The following EMG1 variants were observed in gnomAD, a reference collection of about 807,000 sequenced individuals.
EMG1 encodes the protein ribosomal RNA small subunit methyltransferase NEP1.
Under a neutral mutation model 26.9 loss-of-function variants are expected in EMG1, and 24 were observed. That is an observed-to-expected ratio of 0.89 (90% CI 0.65 to 1.26). The LOEUF (loss-of-function observed/expected upper bound fraction) is 1.26. Among genes scored for constraint, EMG1 ranks in the 50% most tolerant of loss-of-function variants. The pLI, the probability that EMG1 is intolerant of heterozygous loss-of-function variation, is 0.00. For missense variants in EMG1, 299 were observed against 307.6 expected (o/e 0.97, Z 0.21); for synonymous variants, 140 against 112.6 (o/e 1.24, Z -1.54).
rs1352015784 is a variant in EMG1 at position 6,978,341 on chromosome 12, C to T, written c.*2532C>T. ...TCCAGGCTCCCCACCAGCAGCTCAC[C>T]GGGCCACCCAGGCGTTGGTGTTGAT... On this transcript the variant is annotated 3_prime_UTR_variant, in exon 6 of 6. Transcript: ENST00000599672. The T allele has an allele frequency of 3.1e-6, 5 of 1,604,568 alleles. No homozygotes were observed. Among genetic ancestry groups the T allele is most frequent in the East Asian group, 2.2e-5 (1 of 44,774 alleles).
Position 6,979,470 on chromosome 12 carries a change from C to A in EMG1, c.*3661C>A. On this transcript the variant is annotated 3_prime_UTR_variant, in exon 6 of 6. Transcript: ENST00000599672. ...CTGCTGCTGCTTTAGTAGACACTCACGTCATAGTCTTCAGTGAGGAGATAG... is the reference window on the plus strand; with the variant it reads ...CTGCTGCTGCTTTAGTAGACACTCAAGTCATAGTCTTCAGTGAGGAGATAG... The A allele has an allele frequency of 6.2e-7, 1 of 1,604,916 alleles. No individual in the cohort carries two copies.
At chr12:6,988,050 T>TAA (rs111464101) in intron 7 of EMG1, 34 of 323,564 alleles carry the variant, frequency 1.1e-4, no homozygotes, top group South Asian at 3.2e-4. Flanking sequence ...TTTAAAGGTG[T>TAA]AAAAAAAAAA....
chr12:6,984,933 T>C (rs1555154610), downstream of EMG1, among the ~76,000 whole-genome samples: 1 of 152,164 alleles, frequency 6.6e-6, no homozygotes, highest in African/African-American at 2.4e-5. Context: ...GTTTTTATCA[T>C]GGGCAATACA....
chr12:6,989,938 T>A (rs1317954374), downstream of EMG1, among the ~76,000 whole-genome samples: 6 of 151,982 alleles, frequency 3.9e-5, no homozygotes, highest in Admixed American at 3.9e-4. Flanking sequence ...TTTGGGAGGC[T>A]GAGACGGGAG....
In EMG1 at chr12:6,974,208, G is replaced by A. The variant is rs1266327000; in HGVS notation, c.169-131G>A. On this transcript the variant is annotated intron_variant, in intron 1 of 5. Coordinates refer to ENST00000599672, the MANE Select transcript of EMG1 (RefSeq NM_006331.8). ...GTTCCTGGTTTAGTAGGTCTAGGGT[G>A]GGCCTGAGAATTTGCCTAACAAGTT... 3 of 689,372 alleles carry A rather than the reference G, an allele frequency of 4.4e-6. No individual in the cohort carries two copies. In the Admixed American group the frequency reaches 6.2e-5, roughly 14 times the overall value. The allele number at this position is 689,372 out of a possible 1,614,324, so 42.7% of individuals were successfully genotyped here.
intron 1 of EMG1, among the ~76,000 whole-genome samples, chr12:6,972,133 C>T (rs1946338176): frequency 7.0e-6 from 1 of 143,530 alleles, no homozygotes; most frequent in Admixed American, 7.3e-5. Context: ...GTGGCACGAT[C>T]TTGGCTCACT....
Position 6,979,413 on chromosome 12 carries a change from C to T in EMG1, c.*3604C>T. The T allele has an allele frequency of 7.8e-7, 1 of 1,280,120 alleles. No homozygotes were observed. Among genetic ancestry groups the T allele is most frequent in the East Asian group, 2.3e-5 (1 of 43,244 alleles). 79.3% of individuals were successfully genotyped at this position (1,280,120 alleles called of 1,614,324 possible). A position where few individuals can be genotyped will look rare whatever the true frequency, so the allele number is the denominator to read the frequency against. ...TCTCTGCTATCTGTAGGGATCCTTG[C>T]CTGTCCATTTTCTAGCTCTGGTGCA... On this transcript the variant is annotated 3_prime_UTR_variant, in exon 6 of 6. Transcript: ENST00000599672.
chr12:6,996,459 C>G (rs1480370124), intron 7 of EMG1, among the ~76,000 whole-genome samples: 1 of 152,076 alleles, frequency 6.6e-6, no homozygotes, highest in Non-Finnish European at 1.5e-5. Context: ...TTTTGACATA[C>G]CATATATCTT....
At position 6,977,851 on chromosome 12, in the gene EMG1, T is replaced by C. The variant is rs368335284; in HGVS notation, c.*2042T>C. On this transcript the variant is annotated 3_prime_UTR_variant, in exon 6 of 6. Coordinates refer to ENST00000599672, the MANE Select transcript of EMG1 (RefSeq NM_006331.8). The surrounding 1 kb of genome is among the most constrained non-coding windows in gnomAD (Gnocchi z 4.5). Reference sequence around the variant, plus strand: ...AGGATTGGATTGGAGTGCTGGTGGGTTCCCACGTGTAGCCCCCAGAGGGTA... The same window carrying C: ...AGGATTGGATTGGAGTGCTGGTGGGCTCCCACGTGTAGCCCCCAGAGGGTA... The C allele has an allele frequency of 1.6e-5, 21 of 1,347,968 alleles. 1 individual carries two copies. Among genetic ancestry groups the C allele is most frequent in the East Asian group, 9.2e-5 (4 of 43,508 alleles). 83.5% of individuals were successfully genotyped at this position (1,347,968 alleles called of 1,614,324 possible). A position where few individuals can be genotyped will look rare whatever the true frequency, so the allele number is the denominator to read the frequency against.
At chr12:6,983,199 T>G (rs1555154365), downstream of EMG1, 1 of 470,046 alleles carries the variant, frequency 2.1e-6, no homozygotes, top group Non-Finnish European at 3.9e-6. Context: ...GGATTCTTTG[T>G]TGATGAGGTA....
chr12:6,991,268 T>C (rs920206831), downstream of EMG1, among the ~76,000 whole-genome samples: 1 of 152,366 alleles, frequency 6.6e-6, no homozygotes, highest in Admixed American at 6.5e-5. Context: ...CATTTTCAGA[T>C]AATTTTGGAT....
At chr12:6,991,488 A>G (rs1946590177), downstream of EMG1, among the ~76,000 whole-genome samples, 1 of 152,250 alleles carries the variant, frequency 6.6e-6, no homozygotes, top group Non-Finnish European at 1.5e-5. Flanking sequence ...ATTAGAATAC[A>G]TATCAAAAAA....
chr12:6,977,182 C>T lies in EMG1; in HGVS notation c.*1373C>T, dbSNP rs1946413615. On this transcript the variant is annotated 3_prime_UTR_variant, in exon 6 of 6. Coordinates refer to ENST00000599672, the MANE Select transcript of EMG1 (RefSeq NM_006331.8). This position sits in a 1 kb window ranked among gnomAD's most constrained non-coding sequence, Gnocchi z 4.5. ...TCTTTAACTTCTCTTTCCTTGGCAC[C>T]ATTGCTTTGTGAATATAAGGCAATA... 6.2e-7 allele frequency: 1 copy of T among 1,613,334 alleles called. No homozygotes were observed.
At chr12:6,990,937 G>GAAAA (rs1946584006), downstream of EMG1, among the ~76,000 whole-genome samples, 1 of 138,874 alleles carries the variant, frequency 7.2e-6, no homozygotes, top group African/African-American at 2.7e-5. Context: ...AAAAAAGGAA[G>GAAAA]AAAATAAAAC....
intron 1 of EMG1, 86 bp downstream of exon 1, chr12:6,971,177 G>GA: frequency 8.7e-7 from 1 of 1,154,934 alleles, no homozygotes; most frequent in Non-Finnish European, 1.3e-6. Flanking sequence ...AGTGGATGTA[G>GA]AAAGCAGAGA....
downstream of EMG1, chr12:6,980,957 G>A (rs782337228): frequency 6.6e-6 from 10 of 1,506,468 alleles, no homozygotes; most frequent in South Asian, 1.2e-4. Context: ...TCACTTCAGA[G>A]TGAGTGAAAT....
At position 6,975,401 on chromosome 12, in the gene EMG1, AAAT is replaced by A. The variant is rs781991344; in HGVS notation, c.621+24_621+26del. ...AAGGTAAGGTCTGGGCTCAACCCTGAAATTCTTGGTAGAGCTGAACTTAGTATA... is the reference window on the plus strand; with the variant it reads ...AAGGTAAGGTCTGGGCTCAACCCTGATCTTGGTAGAGCTGAACTTAGTATA... On this transcript the variant is annotated intron_variant, in intron 5 of 5. Coordinates refer to ENST00000599672, the MANE Select transcript of EMG1 (RefSeq NM_006331.8). 3 of 1,570,690 alleles carry A rather than the reference AAAT, an allele frequency of 1.9e-6. No homozygotes were observed. The South Asian group carries it at 3.5e-5, about 18-fold the overall frequency.
chr12:6,987,959 C>T lies in EMG1; in HGVS notation c.*211+121C>T, dbSNP rs1479209712. On this transcript the variant is annotated intron_variant and NMD_transcript_variant, in intron 7 of 7. Coordinates refer to the EMG1 transcript ENST00000261406. The surrounding 1 kb of genome is among the most constrained non-coding windows in gnomAD (Gnocchi z 4.1). ...TTGCTACTCTGGGATCAACAGTCAC[C>T]TCTTGAACTTTTGGGGTGCTTGGCA... 1.3e-5 allele frequency: 5 copies of T among 397,718 alleles called. No homozygotes were observed. The highest frequency in any genetic ancestry group is 1.0e-4 in the African/African-American group (5 of 48,594). The allele number at this position is 397,718 out of a possible 1,614,324, so 24.6% of individuals were successfully genotyped here. A position where few individuals can be genotyped will look rare whatever the true frequency, so the allele number is the denominator to read the frequency against.
rs781936465 is a variant in EMG1 at position 6,974,525 on chromosome 12, C to G, written c.271-27C>G. 3.7e-6 allele frequency: 6 copies of G among 1,612,048 alleles called. No homozygotes were observed. In the South Asian group the frequency reaches 6.6e-5, roughly 18 times the overall value. On this transcript the variant is annotated intron_variant, in intron 2 of 5. Coordinates refer to ENST00000599672, the MANE Select transcript of EMG1 (RefSeq NM_006331.8). ...GAGTGCTGCCTCTCTTCAGCCTTAA[C>G]CATGTCTCGGTTTCTGCTTTGCTCA...
Sources: allele counts gnomAD v4.1 joint callset (sites outside exome capture counted in the v4.1 genomes callset), GRCh38; gene constraint gnomAD v4.1.1; non-coding constraint Gnocchi (gnomAD v3.1); transcripts MANE v1.5; gene names NCBI Gene and HGNC (gene_info 2026-07-23, HGNC 2026-07-21).